The following MAP4 variants were observed in gnomAD, a reference collection of about 807,000 sequenced individuals.
MAP4 encodes microtubule-associated protein 4.
Under a neutral mutation model 170.2 loss-of-function variants are expected in MAP4, and 76 were observed. The ratio of observed to expected loss-of-function variants is 0.45; its 90% CI spans 0.37 to 0.54. The LOEUF (loss-of-function observed/expected upper bound fraction) is 0.54, where lower values mean the gene tolerates loss of function less well. MAP4 is among the 20% of genes least tolerant of loss of function. The pLI is 0.00. For synonymous variants in MAP4, 909 were observed against 994.5 expected (o/e 0.91, Z 1.62); for missense variants, 2,506 against 2,748.0 (o/e 0.91, Z 1.97).
At position 47,955,435 on chromosome 3, in the gene MAP4, TACACACACACACACACACAC is replaced by T. The variant is rs3079351; in HGVS notation, c.292+22410_292+22429del. ...CCAAAAAAATAAATAAATAAGCACG[TACACACACACACACACACAC>T]ACACACACACACACACACACACACA... On this transcript the variant is annotated intron_variant, in intron 3 of 20. Transcript: ENST00000683076. Among the ~76,000 whole-genome samples, 6 of 135,398 alleles carry T rather than the reference TACACACACACACACACACAC, an allele frequency of 4.4e-5. No homozygotes were observed. The South Asian group carries it at 7.9e-4, about 18-fold the overall frequency. The allele number at this position is 135,398 out of a possible 152,430, so 88.8% of individuals were successfully genotyped here.
At chr3:47,998,569 A>T in intron 2 of MAP4, 69 bp downstream of exon 2, 1 of 1,252,086 alleles carries the variant, frequency 8.0e-7, no homozygotes, top group Non-Finnish European at 1.1e-6. Context: ...AGTTTCCAAG[A>T]TTATACCAAA....
chr3:47,872,006 G>T lies in MAP4; in HGVS notation c.5852C>A (p.Thr1951Asn). The T allele has an allele frequency of 6.2e-7, 1 of 1,614,156 alleles. No individual in the cohort carries two copies. Among genetic ancestry groups the T allele is most frequent in the Non-Finnish European group, 8.5e-7 (1 of 1,180,016 alleles). Residue 1951 changes from threonine to asparagine, a missense_variant, in exon 13 of 21, where the codon ACT (threonine) becomes AAT (asparagine). By Grantham distance (65) the Thr-to-Asn change is moderately conservative (BLOSUM62 0). Transcript: ENST00000683076. ...ASRSGSKSTQTVAKTTTAAAV... is the reference protein window; with the variant it reads ...ASRSGSKSTQNVAKTTTAAAV... ...AGCAGCTGTTGTGGTTTTTGCAACA[G>T]TCTGAGTGCTCTTGGACCCAGATCT...
At chr3:47,953,132 G>C (rs1229387758) in intron 3 of MAP4, among the ~76,000 whole-genome samples, 5 of 152,112 alleles carry the variant, frequency 3.3e-5, no homozygotes, top group Non-Finnish European at 5.9e-5. Context: ...TCTGCATCTT[G>C]AGTATGGTAT....
At chr3:47,901,354 GAATA>G (rs2100029897) in intron 10 of MAP4, among the ~76,000 whole-genome samples, 1 of 152,112 alleles carries the variant, frequency 6.6e-6, no homozygotes, top group Admixed American at 6.6e-5. Flanking sequence ...CTGAATGAAT[GAATA>G]AACTAAATAC....
intron 2 of MAP4, among the ~76,000 whole-genome samples, chr3:47,983,365 A>G (rs929547234): frequency 6.6e-6 from 1 of 151,912 alleles, no homozygotes; most frequent in African/African-American, 2.4e-5. Context: ...GTGCACCGCC[A>G]CAGTTGGCTT....
rs971189233 is a variant in MAP4 at position 48,029,549 on chromosome 3, C to T, written c.-19-30670G>A. 2.6e-5 allele frequency among the ~76,000 whole-genome samples: 4 copies of T among 152,260 alleles called. No homozygotes were observed. The South Asian group carries it at 8.3e-4, about 32-fold the overall frequency. ...TGACCTGAAAAGCTTGGTCCTGACA[C>T]CTCTGCTTTATGGAAAAGGCAAGAA... On this transcript the variant is annotated intron_variant, in intron 1 of 18. Transcript: ENST00000360240.
intron 3 of MAP4, among the ~76,000 whole-genome samples, chr3:47,972,041 G>A (rs1231464272): frequency 6.6e-6 from 1 of 152,142 alleles, no homozygotes; most frequent in Non-Finnish European, 1.5e-5. Flanking sequence ...AGATTACTGA[G>A]CTGTTTTAAT....
intron 10 of MAP4, among the ~76,000 whole-genome samples, chr3:47,900,827 T>C (rs544222671): frequency 6.6e-6 from 1 of 152,282 alleles, no homozygotes; most frequent in African/African-American, 2.4e-5. Flanking sequence ...GACCCTCCCA[T>C]AGCCCTCCCC....
intron 3 of MAP4, among the ~76,000 whole-genome samples, chr3:47,948,509 G>A (rs921267702): frequency 1.1e-4 from 16 of 151,694 alleles, no homozygotes; most frequent in African/African-American, 2.9e-4. Flanking sequence ...CAAGCGTTGA[G>A]TCACCACGCC....
Position 48,035,083 on chromosome 3 carries a change from A to G in MAP4, c.-19-36204T>C, listed in dbSNP as rs184645227. 3.7e-3 allele frequency among the ~76,000 whole-genome samples: 558 copies of G among 152,204 alleles called. 5 individuals carry two copies. The highest frequency in any genetic ancestry group is 0.013 in the African/African-American group (526 of 41,534). On this transcript the variant is annotated intron_variant, in intron 1 of 18. Transcript: ENST00000360240. ...TGACTACAAGTGAACAAAAAGAAAAACTTTCAGAATTGTTTAATGCAAGAA... is the reference window on the plus strand; with the variant it reads ...TGACTACAAGTGAACAAAAAGAAAAGCTTTCAGAATTGTTTAATGCAAGAA...
intron 1 of MAP4, among the ~76,000 whole-genome samples, chr3:48,023,952 A>C (rs891950235): frequency 6.6e-6 from 1 of 152,218 alleles, no homozygotes; most frequent in Admixed American, 6.5e-5. Flanking sequence ...TTGGAAGTAA[A>C]TTCAGAGTAA....
intron 1 of MAP4, among the ~76,000 whole-genome samples, chr3:47,999,487 A>C (rs556595822): frequency 1.3e-5 from 2 of 152,304 alleles, no homozygotes; most frequent in African/African-American, 4.8e-5. Context: ...TCTTAATTAC[A>C]TAATCTGCAG....
chr3:47,909,274 G>A lies in MAP4; in HGVS notation c.5147C>T (p.Thr1716Ile), dbSNP rs780311343. 3.1e-6 allele frequency: 5 copies of A among 1,613,848 alleles called. No individual in the cohort carries two copies. The South Asian group carries it at 5.5e-5, about 18-fold the overall frequency. Residue 1716 changes from threonine to isoleucine, a missense_variant, in exon 9 of 21, where the codon ACT becomes ATT. Thr to Ile is a moderately conservative substitution (Grantham distance 89). This residue lies in a region of MAP4 where 2,008 missense variants were observed against 2,206.0 expected (regional missense o/e 0.91). Transcript: ENST00000683076. ...TGGGAGTCGAACACCCTTGGAAGCA[G>A]TCATTATTACTAACGTATCCGCCAC... is the stretch of plus-strand genomic sequence containing the variant. ...SEVADTLVIM[T>I]ASKGVRLPEP...
chr3:47,981,193 C>T (rs2100085211), intron 2 of MAP4, among the ~76,000 whole-genome samples: 1 of 152,114 alleles, frequency 6.6e-6, no homozygotes, highest in Admixed American at 6.5e-5. Flanking sequence ...AAATAGTACA[C>T]AGTAATAAAA....
intron 10 of MAP4, chr3:47,892,717 C>G (rs373953416): frequency 1.1e-5 from 15 of 1,354,092 alleles, no homozygotes; most frequent in African/African-American, 2.9e-5. Flanking sequence ...AAGGAAGGAA[C>G]CTGCTGCTTT....
At chr3:47,868,329 A>G (rs979277839) in intron 16 of MAP4, among the ~76,000 whole-genome samples, 1 of 152,180 alleles carries the variant, frequency 6.6e-6, no homozygotes, top group Admixed American at 6.5e-5. Context: ...TCCAACCCAT[A>G]TACCTCATTG....
At chr3:47,964,730 G>A (rs1208538298) in intron 3 of MAP4, among the ~76,000 whole-genome samples, 1 of 152,080 alleles carries the variant, frequency 6.6e-6, no homozygotes, top group African/African-American at 2.4e-5. Flanking sequence ...ATTTCTCTCT[G>A]CAACTGGACA....
intron 12 of MAP4, among the ~76,000 whole-genome samples, chr3:47,873,826 G>A (rs764478466): frequency 1.2e-4 from 18 of 152,244 alleles, no homozygotes; most frequent in Non-Finnish European, 1.9e-4. Flanking sequence ...GATAAAATAA[G>A]TTAGAAAAAA....
At chr3:47,988,286 G>A (rs573922222) in intron 2 of MAP4, among the ~76,000 whole-genome samples, 5 of 151,684 alleles carry the variant, frequency 3.3e-5, no homozygotes, top group East Asian at 1.9e-4. Flanking sequence ...AAAAATTATA[G>A]TATGTTTGAT....
Sources: gnomAD v4.1 joint callset for allele counts (sites outside exome capture counted in the v4.1 genomes callset) on GRCh38, gnomAD v4.1.1 for gene constraint, gnomAD v4.1.1 regional missense constraint, MANE v1.5 for transcripts, NCBI Gene and HGNC (gene_info 2026-07-23, HGNC 2026-07-21) for gene names.